ANKAR: variants seen among roughly 807,000 people sequenced by gnomAD.
ANKAR encodes the protein ankyrin and armadillo repeat-containing protein.
Under a neutral mutation model 146.2 loss-of-function variants are expected in ANKAR, and 136 were observed. That is an observed-to-expected ratio of 0.93 (90% CI 0.81 to 1.07). The LOEUF is 1.07. Among genes scored for constraint, ANKAR ranks in the 50% least tolerant of loss-of-function variants. The pLI, the probability that ANKAR is intolerant of heterozygous loss-of-function variation, is 0.00. For synonymous variants in ANKAR, 500 were observed against 575.8 expected, an observed-to-expected ratio of 0.87 and a Z score of 1.88; for missense variants, 1,567 against 1,679.9, an observed-to-expected ratio of 0.93 and a Z score of 1.18.
intron 2 of ANKAR, among the ~76,000 whole-genome samples, chr2:189,687,368 G>GGACA (rs1329940382): frequency 6.6e-6 from 1 of 152,112 alleles, no homozygotes; most frequent in African/African-American, 2.4e-5. Flanking sequence ...ATCTGTTGAT[G>GGACA]GACACTTAGG....
At chr2:189,726,836 C>T (rs1028584996) in intron 12 of ANKAR, among the ~76,000 whole-genome samples, 7 of 151,866 alleles carry the variant, frequency 4.6e-5, no homozygotes, top group Non-Finnish European at 1.0e-4. Flanking sequence ...GATGTATGCA[C>T]GCAACATACC....
At chr2:189,720,057 C>A (rs988998460) in intron 11 of ANKAR, among the ~76,000 whole-genome samples, 1 of 152,062 alleles carries the variant, frequency 6.6e-6, no homozygotes. Flanking sequence ...TGCTGTTTAC[C>A]AATTACAGTG....
At chr2:189,690,014 A>G (rs1309447993) in intron 3 of ANKAR, 50 bp downstream of exon 3, 3 of 1,298,282 alleles carry the variant, frequency 2.3e-6, no homozygotes, top group Non-Finnish European at 3.0e-6. Context: ...TATATTAAAT[A>G]TATGTTTAAA....
intron 10 of ANKAR, among the ~76,000 whole-genome samples, chr2:189,716,326 A>T (rs1438357435): frequency 6.6e-6 from 1 of 152,150 alleles, no homozygotes; most frequent in Non-Finnish European, 1.5e-5. Context: ...TCATGAGTGA[A>T]CTCCCATTCA....
downstream of ANKAR, among the ~76,000 whole-genome samples, chr2:189,747,772 G>A (rs1455787652): frequency 2.0e-5 from 3 of 151,852 alleles, no homozygotes; most frequent in South Asian, 2.1e-4. Context: ...GGCTCACTCC[G>A]CCTCCTGGGT....
chr2:189,754,176 G>A, intron 18 of ANKAR: 3 of 1,613,664 alleles, frequency 1.9e-6, no homozygotes, highest in South Asian at 1.1e-5. Flanking sequence ...TATTTTATCA[G>A]TAACGTGTTG....
chr2:189,683,633 T>C (rs2105762557), intron 2 of ANKAR, among the ~76,000 whole-genome samples: 1 of 152,350 alleles, frequency 6.6e-6, no homozygotes, highest in Middle Eastern at 3.4e-3. Flanking sequence ...TCCCCTGGCA[T>C]GATCAGAGAG....
rs76573758 is a variant in ANKAR, at chr2:189,677,017, G to T, written c.527G>T (p.Arg176Leu). 56 of 1,612,054 alleles carry T rather than the reference G, an allele frequency of 3.5e-5. 1 individual carries two copies. The South Asian group carries it at 6.2e-4, about 18-fold the overall frequency. ...EKRARFSELW[R>L]AIMDIDPDGK... ...CGAGCTAGATTCTCTGAATTGTGGC[G>T]TGCCATCATGGACATTGATCCTGAT... Residue 176 changes from arginine to leucine, a missense_variant, in exon 2 of 23, where the codon CGT becomes CTT. Physicochemically the swap from Arg to Leu is moderately radical, Grantham distance 102. Transcript: ENST00000684021.
At chr2:189,736,835 G>A (rs1027524449) in intron 17 of ANKAR, among the ~76,000 whole-genome samples, 6 of 151,982 alleles carry the variant, frequency 3.9e-5, no homozygotes, top group Non-Finnish European at 8.8e-5. Context: ...CACTTTGGGA[G>A]GCCAAGGCGA....
chr2:189,719,044 C>T (rs560288511), intron 10 of ANKAR, among the ~76,000 whole-genome samples: 20 of 152,268 alleles, frequency 1.3e-4, no homozygotes, highest in Non-Finnish European at 1.3e-4. Context: ...CCACCGCGCC[C>T]GGCCTATTTT....
intron 3 of ANKAR, among the ~76,000 whole-genome samples, chr2:189,691,917 A>G (rs1175225683): frequency 6.6e-6 from 1 of 151,936 alleles, no homozygotes; most frequent in Non-Finnish European, 1.5e-5. Flanking sequence ...ATGTGCCACC[A>G]CATCCAGCTA....
At chr2:189,752,826 A>C (rs1456405335) in intron 18 of ANKAR, 2 of 1,613,364 alleles carry the variant, frequency 1.2e-6, no homozygotes, top group Non-Finnish European at 1.7e-6. Flanking sequence ...TTATGAGTGA[A>C]GCACGTATAT....
downstream of ANKAR, chr2:189,750,664 A>G (rs1366954091): frequency 1.3e-6 from 2 of 1,563,006 alleles, no homozygotes; most frequent in Admixed American, 2.0e-5. Flanking sequence ...CATCTACATC[A>G]TAAGCAGACA....
chr2:189,761,176 A>C (rs992101246), exon 19 of ANKAR: 5 of 327,860 alleles, frequency 1.5e-5, no homozygotes, highest in African/African-American at 8.5e-5. Flanking sequence ...GAAAATCAAT[A>C]AATACGGAAG....
chr2:189,688,309 T>G (rs1335569310), intron 2 of ANKAR, among the ~76,000 whole-genome samples: 1 of 152,160 alleles, frequency 6.6e-6, no homozygotes, highest in East Asian at 1.9e-4. Flanking sequence ...CTGACCTCCT[T>G]TGGTCTAGGC....
intron 12 of ANKAR, among the ~76,000 whole-genome samples, chr2:189,725,364 G>A (rs1304187043): frequency 2.0e-5 from 3 of 151,528 alleles, no homozygotes; most frequent in East Asian, 1.9e-4. Context: ...TGAGCATACC[G>A]AGCACCCAAA....
intron 16 of ANKAR, among the ~76,000 whole-genome samples, chr2:189,732,432 CA>C (rs1416179249): frequency 6.6e-6 from 1 of 152,056 alleles, no homozygotes; most frequent in Non-Finnish European, 1.5e-5. Flanking sequence ...GAGGACAAAG[CA>C]GGCGGATCAT....
chr2:189,689,451 G>C, intron 2 of ANKAR, 76 bp from the exon 3 acceptor site: 1 of 1,216,200 alleles, frequency 8.2e-7, no homozygotes, highest in Non-Finnish European at 1.1e-6. Flanking sequence ...AAAATCCTGT[G>C]TTCAATCTTC....
intron 17 of ANKAR, among the ~76,000 whole-genome samples, chr2:189,734,258 A>C (rs2042645919): frequency 6.6e-6 from 1 of 152,236 alleles, no homozygotes; most frequent in Non-Finnish European, 1.5e-5. Flanking sequence ...CTTTGAGATT[A>C]TGCAAATATT....
Sources: allele counts gnomAD v4.1 joint callset (sites outside exome capture counted in the v4.1 genomes callset), GRCh38; gene constraint gnomAD v4.1.1; transcripts MANE v1.5; gene names NCBI Gene and HGNC (gene_info 2026-07-23, HGNC 2026-07-21).